C11orf65: variants seen among roughly 807,000 people sequenced by gnomAD.
The protein encoded by C11orf65 is chromosome 11 open reading frame 65, also known as protein MFI.
A neutral mutation model predicts 35.3 loss-of-function variants in C11orf65; 38 were observed. That is an observed-to-expected ratio of 1.08 (90% CI 0.83 to 1.41). The LOEUF (loss-of-function observed/expected upper bound fraction) is 1.41. C11orf65 is among the 40% of genes most tolerant of loss of function. The pLI, the probability that C11orf65 is intolerant of heterozygous loss-of-function variation, is 0.00. For missense variants in C11orf65, 370 were observed against 367.1 expected (o/e 1.01, Z -0.06); for synonymous variants, 105 against 114.4 (o/e 0.92, Z 0.53).
At chr11:108,313,816 CA>C (rs1389199102) in intron 6 of C11orf65, among the ~76,000 whole-genome samples, 2 of 152,118 alleles carry the variant, frequency 1.3e-5, no homozygotes, top group African/African-American at 2.4e-5. Context: ...GAGCAAGCAC[CA>C]TATAGGCAGT....
intron 6 of C11orf65, among the ~76,000 whole-genome samples, chr11:108,404,515 C>T (rs1388274755): frequency 6.6e-6 from 1 of 152,118 alleles, no homozygotes; most frequent in African/African-American, 2.4e-5. Flanking sequence ...TCACGCCATT[C>T]TCCTGCCTCA....
At chr11:108,330,536 C>T, downstream of C11orf65, 1 of 1,025,182 alleles carries the variant, frequency 9.8e-7, no homozygotes, top group Non-Finnish European at 1.5e-6. Flanking sequence ...GTCCAGTGCT[C>T]TACACATAAG....
intron 2 of C11orf65, among the ~76,000 whole-genome samples, chr11:108,338,618 T>C (rs903008155): frequency 6.6e-6 from 1 of 151,966 alleles, no homozygotes; most frequent in Admixed American, 6.6e-5. Flanking sequence ...ATCATGCCAC[T>C]GCAGTCCAGT....
At chr11:108,361,712 TAATA>T (rs1000986851) in intron 2 of C11orf65, among the ~76,000 whole-genome samples, 1 of 151,594 alleles carries the variant, frequency 6.6e-6, no homozygotes, top group African/African-American at 2.4e-5. Flanking sequence ...ATTCCCTATT[TAATA>T]AATGGTGCTG....
chr11:108,442,343 G>C lies in C11orf65; in HGVS notation c.82-10505C>G, dbSNP rs766868110. Among the ~76,000 whole-genome samples the C allele has an allele frequency of 2.6e-4, 40 of 152,298 alleles. No individual in the cohort carries two copies. The Middle Eastern group carries it at 0.014, about 52-fold the overall frequency. ...GACTATGTGAAAAGATGAAACTTAC[G>C]TCTGATTGGTGTACCTGAAAGTGAT... On this transcript the variant is annotated intron_variant, in intron 2 of 8. Transcript: ENST00000393084.
intron 6 of C11orf65, among the ~76,000 whole-genome samples, chr11:108,400,081 CCT>C (rs1565647795): frequency 6.6e-6 from 1 of 152,154 alleles, no homozygotes; most frequent in East Asian, 1.9e-4. Context: ...CTGCTACACA[CCT>C]CTTTCTTGCT....
intron 3 of C11orf65, among the ~76,000 whole-genome samples, 198 bp downstream of exon 3, chr11:108,431,548 C>G (rs930341898): frequency 1.3e-5 from 2 of 152,168 alleles, no homozygotes; most frequent in African/African-American, 4.8e-5. Flanking sequence ...AAACATTGAT[C>G]TGGGTGACGG....
At chr11:108,374,302 C>A (rs904981108) in intron 2 of C11orf65, among the ~76,000 whole-genome samples, 1 of 152,192 alleles carries the variant, frequency 6.6e-6, no homozygotes, top group Non-Finnish European at 1.5e-5. Flanking sequence ...TCCAGAGGAA[C>A]GATCAGACAG....
chr11:108,385,981 C>T lies in C11orf65; in HGVS notation c.732-6G>A, dbSNP rs1378453681. 1.2e-6 allele frequency: 2 copies of T among 1,611,068 alleles called. No individual in the cohort carries two copies. Among genetic ancestry groups the T allele is most frequent in the African/African-American group, 1.3e-5 (1 of 74,868 alleles). On this transcript the variant is annotated splice_region_variant and splice_polypyrimidine_tract_variant and intron_variant, in intron 7 of 8. Coordinates refer to ENST00000393084, the MANE Select transcript of C11orf65 (RefSeq NM_152587.5). The stretch of plus-strand genomic sequence containing the variant: ...CCTTCCAGCTGGCAATGTACCTAAG[C>T]ACATTATATGAGGATTCATTAAATT...
chr11:108,393,437 TACAGGC>T, intron 6 of C11orf65, 59 bp from the exon 7 acceptor site: 1 of 1,437,674 alleles, frequency 7.0e-7, no homozygotes, highest in East Asian at 2.3e-5. Context: ...TACAAGTAGA[TACAGGC>T]AATATATATT....
intron 2 of C11orf65, among the ~76,000 whole-genome samples, chr11:108,450,479 A>C (rs982062407): frequency 6.6e-6 from 1 of 151,634 alleles, no homozygotes; most frequent in African/African-American, 2.4e-5. Flanking sequence ...TTGTAGGAAC[A>C]TGGATAAAAC....
rs1591107853 is a variant in C11orf65, at chr11:108,321,418, A to G, written c.641-12347T>C. The G allele has an allele frequency of 6.2e-7, 1 of 1,614,062 alleles. No homozygotes were observed. The highest frequency in any genetic ancestry group is 2.2e-5 in the East Asian group (1 of 44,868). On this transcript the variant is annotated intron_variant, in intron 6 of 6. Coordinates refer to the C11orf65 transcript ENST00000525729. ...TGGAAAGCATTGGGGAGCTTTTCTC[A>G]AGGTATGTAATTCGTATGACTTTGT...
intron 2 of C11orf65, among the ~76,000 whole-genome samples, chr11:108,433,694 T>C (rs1490427465): frequency 6.6e-6 from 1 of 152,192 alleles, no homozygotes; most frequent in Non-Finnish European, 1.5e-5. Context: ...TTATTCTGCA[T>C]TCCATTGGTC....
chr11:108,451,263 A>G (rs1371272973), intron 2 of C11orf65, among the ~76,000 whole-genome samples: 4 of 151,974 alleles, frequency 2.6e-5, no homozygotes, highest in Non-Finnish European at 5.9e-5. Flanking sequence ...AAACCCCATC[A>G]TCTCAGCCCA....
rs2091892087 is a variant in C11orf65, at chr11:108,382,767, G to A, written c.*254C>T. The A allele has an allele frequency of 2.0e-6, 2 of 983,518 alleles. No individual in the cohort carries two copies. The highest frequency in any genetic ancestry group is 1.7e-5 in the African/African-American group (1 of 57,164). 60.9% of individuals were successfully genotyped at this position (983,518 alleles called of 1,614,324 possible). A position where few individuals can be genotyped will look rare whatever the true frequency, so the allele number is the denominator to read the frequency against. On this transcript the variant is annotated 3_prime_UTR_variant, in exon 9 of 9. Coordinates refer to ENST00000393084, the MANE Select transcript of C11orf65 (RefSeq NM_152587.5). Reference sequence around the variant, plus strand: ...AGTCTGAAGCTTCTTGCACCTAAATGTAGTCTCTTTACTTAAGTGTGACTG... The same window carrying A: ...AGTCTGAAGCTTCTTGCACCTAAATATAGTCTCTTTACTTAAGTGTGACTG...
chr11:108,388,223 A>G (rs2092059920), intron 7 of C11orf65, among the ~76,000 whole-genome samples: 1 of 152,168 alleles, frequency 6.6e-6, no homozygotes, highest in Admixed American at 6.5e-5. Context: ...GCTAGGCCCC[A>G]TCACTGTCCC....
rs532138869 is a variant in C11orf65, at chr11:108,390,047, G to A, written c.731+3161C>T. On this transcript the variant is annotated intron_variant, in intron 7 of 8. Coordinates refer to ENST00000393084, the MANE Select transcript of C11orf65 (RefSeq NM_152587.5). Reference sequence around the variant, plus strand: ...ATTTATTTATATTTATTTTTGAGACGGAGTCTCGCTCTGTTGCCCAGGCTG... The same window carrying A: ...ATTTATTTATATTTATTTTTGAGACAGAGTCTCGCTCTGTTGCCCAGGCTG... 3.7e-4 allele frequency among the ~76,000 whole-genome samples: 51 copies of A among 138,882 alleles called. No homozygotes were observed. In the South Asian group the frequency reaches 9.6e-3, roughly 26 times the overall value. The allele number at this position is 138,882 out of a possible 152,430, so 91.1% of individuals were successfully genotyped here.
intron 2 of C11orf65, among the ~76,000 whole-genome samples, chr11:108,437,731 AAAAAAAAG>A (rs1332162435): frequency 1.4e-5 from 2 of 145,658 alleles, no homozygotes; most frequent in African/African-American, 5.0e-5. Flanking sequence ...AAAAAAAAAA[AAAAAAAAG>A]GATAAGGAAA....
At chr11:108,348,243 TATAAA>T (rs2088709208) in intron 2 of C11orf65, among the ~76,000 whole-genome samples, 1 of 151,612 alleles carries the variant, frequency 6.6e-6, no homozygotes. Flanking sequence ...GACAGTTTAA[TATAAA>T]AGAAAGAGAA....
Sources: gnomAD v4.1 joint callset for allele counts (sites outside exome capture counted in the v4.1 genomes callset) on GRCh38, gnomAD v4.1.1 for gene constraint, MANE v1.5 for transcripts, NCBI Gene and HGNC (gene_info 2026-07-23, HGNC 2026-07-21) for gene names.